Variants in PEX2 observed in about 807,000 individuals in gnomAD.
PEX2 encodes the protein peroxisome biogenesis factor 2.
Under a neutral mutation model 25.2 loss-of-function variants are expected in PEX2, and 19 were observed. That is an observed-to-expected ratio of 0.75 (90% CI 0.53 to 1.10). The LOEUF (loss-of-function observed/expected upper bound fraction) is 1.10, where lower values mean the gene tolerates loss of function less well. Among genes scored for constraint, PEX2 ranks in the 50% least tolerant of loss-of-function variants. The pLI, the probability that PEX2 is intolerant of heterozygous loss-of-function variation, is 0.00. For synonymous variants in PEX2, 141 were observed against 127.7 expected, an observed-to-expected ratio of 1.10 and a Z score of -0.70; for missense variants, 347 against 350.6, an observed-to-expected ratio of 0.99 and a Z score of 0.08.
Position 76,983,152 on chromosome 8 carries a change from C to T in PEX2, c.*109G>A. 2 of 1,585,878 alleles carry T rather than the reference C, an allele frequency of 1.3e-6. No individual in the cohort carries two copies. Among genetic ancestry groups the T allele is most frequent in the Admixed American group, 3.4e-5 (2 of 59,220 alleles). ...ATGCCTGGAAAGGAGAAGACAGTGG[C>T]TAGGAGCACATTCCTTATAAAGGAT... On this transcript the variant is annotated 3_prime_UTR_variant, in exon 4 of 4. Transcript: ENST00000357039.
intron 1 of PEX2, among the ~76,000 whole-genome samples, chr8:76,994,251 T>C (rs1470486985): frequency 3.3e-5 from 5 of 152,166 alleles, no homozygotes; most frequent in African/African-American, 4.8e-5. Flanking sequence ...GCCATCTATA[T>C]CACATTCCAA....
chr8:76,984,083 T>C lies in PEX2; in HGVS notation c.96A>G (p.Leu32=), dbSNP rs754405926. Residue 32 remains leucine (L), a synonymous_variant, in exon 4 of 4, where the codon CTA becomes CTG. Coordinates refer to ENST00000357039, the MANE Select transcript of PEX2 (RefSeq NM_000318.3). ...ALELNKALEQ[L]VWSQFTQCFH... The stretch of plus-strand genomic sequence containing the variant: ...AGCACTGAGTAAACTGGGACCAAAC[T>C]AGCTGCTCCAGGGCCTTGTTTAGTT... The C allele has an allele frequency of 9.3e-6, 15 of 1,612,330 alleles. No homozygotes were observed. In the East Asian group the frequency reaches 2.5e-4, roughly 26 times the overall value.
chr8:76,984,293 GGACACATAGGC>G, intron 3 of PEX2, 98 bp from the exon 4 acceptor site: 4 of 922,428 alleles, frequency 4.3e-6, no homozygotes, highest in Non-Finnish European at 6.9e-6. Flanking sequence ...AAATTACACA[GGACACATAGGC>G]GATGAGCGTT....
At position 76,982,953 on chromosome 8, in the gene PEX2, C is replaced by T. The variant is rs1432173202; in HGVS notation, c.*308G>A. The T allele has an allele frequency of 2.0e-6, 1 of 488,030 alleles. No individual in the cohort carries two copies. The highest frequency in any genetic ancestry group is 3.3e-6 in the Non-Finnish European group (1 of 307,584). 30.2% of individuals were successfully genotyped at this position (488,030 alleles called of 1,614,324 possible). A position where few individuals can be genotyped will look rare whatever the true frequency, so the allele number is the denominator to read the frequency against. ...CTCCAAAATCTTTATCTTTAGAATC[C>T]AACCTTGTTTTAAGAAGTAGTAAAA... On this transcript the variant is annotated 3_prime_UTR_variant, in exon 4 of 4. Transcript: ENST00000357039.
At chr8:76,993,901 G>A (rs560555464) in intron 1 of PEX2, among the ~76,000 whole-genome samples, 2 of 152,238 alleles carry the variant, frequency 1.3e-5, no homozygotes, top group South Asian at 4.1e-4. Context: ...ATTATAATTG[G>A]CAGTAAATAA....
chr8:76,989,949 C>G (rs1350225286), intron 1 of PEX2, among the ~76,000 whole-genome samples: 1 of 152,146 alleles, frequency 6.6e-6, no homozygotes, highest in East Asian at 1.9e-4. Context: ...ATTGGCTTCT[C>G]CTCTCTAGCT....
chr8:76,991,810 A>C (rs1807177727), intron 1 of PEX2, among the ~76,000 whole-genome samples: 1 of 152,208 alleles, frequency 6.6e-6, no homozygotes, highest in African/African-American at 2.4e-5. Flanking sequence ...CAGCTACCTC[A>C]CAAAGTTGTT....
chr8:76,982,362 G>A lies in PEX2; in HGVS notation c.*899C>T, dbSNP rs189924371. The A allele has an allele frequency of 6.6e-6, 1 of 152,282 alleles. No homozygotes were observed. Among genetic ancestry groups the A allele is most frequent in the Admixed American group, 6.5e-5 (1 of 15,290 alleles). The allele number at this position is 152,282 out of a possible 1,614,324, so 9.4% of individuals were successfully genotyped here. ...GGCAAGAGAAAGAGACCTGTAAATAGTGCTGTTCATACTAGTTGCCCCCAG... is the reference window on the plus strand; with the variant it reads ...GGCAAGAGAAAGAGACCTGTAAATAATGCTGTTCATACTAGTTGCCCCCAG... On this transcript the variant is annotated 3_prime_UTR_variant, in exon 4 of 4. Coordinates refer to ENST00000357039, the MANE Select transcript of PEX2 (RefSeq NM_000318.3).
chr8:76,991,438 C>T (rs888631666), intron 1 of PEX2, among the ~76,000 whole-genome samples: 6 of 152,174 alleles, frequency 3.9e-5, no homozygotes, highest in African/African-American at 4.8e-5. Context: ...CTCCTCCCTA[C>T]GTAAGACTCT....
chr8:76,993,870 A>G (rs1440919408), intron 1 of PEX2, among the ~76,000 whole-genome samples: 1 of 152,220 alleles, frequency 6.6e-6, no homozygotes, highest in Non-Finnish European at 1.5e-5. Flanking sequence ...GCAAAGAGAT[A>G]TATAAAAATA....
chr8:76,985,621 G>A (rs974232114), intron 3 of PEX2, among the ~76,000 whole-genome samples: 1 of 151,932 alleles, frequency 6.6e-6, no homozygotes, highest in Non-Finnish European at 1.5e-5. Context: ...ATAAAGCTAG[G>A]GGAAAAAAAC....
intron 1 of PEX2, among the ~76,000 whole-genome samples, chr8:76,991,720 T>C (rs1242497958): frequency 6.6e-6 from 1 of 152,154 alleles, no homozygotes; most frequent in Non-Finnish European, 1.5e-5. Context: ...GGGCTCAAGT[T>C]CTAGCTCTGT....
upstream of PEX2, among the ~76,000 whole-genome samples, chr8:77,000,631 C>T (rs1268518598): frequency 2.0e-5 from 3 of 152,174 alleles, no homozygotes; most frequent in Non-Finnish European, 2.9e-5. Flanking sequence ...GGCCTGTGTG[C>T]ACAGGGAGGA....
chr8:76,983,446 C>A lies in PEX2; in HGVS notation c.733G>T (p.Ala245Ser). ...NTLATSGKECALCGEWPTMPH... is the reference protein window; with the variant it reads ...NTLATSGKECSLCGEWPTMPH... ...ATGGTGGGCCACTCTCCACATAGAG[C>A]GCATTCTTTGCCACTGGTGGCTAAT... Residue 245 changes from alanine to serine, a missense_variant, in exon 4 of 4, where the codon GCT becomes TCT. Physicochemically the swap from Ala to Ser is moderately conservative, Grantham distance 99. Transcript: ENST00000357039. 1.9e-6 allele frequency: 3 copies of A among 1,614,060 alleles called. No homozygotes were observed. The highest frequency in any genetic ancestry group is 2.5e-6 in the Non-Finnish European group (3 of 1,180,028).
At chr8:76,989,508 C>T (rs558859980) in intron 1 of PEX2, among the ~76,000 whole-genome samples, 1 of 152,132 alleles carries the variant, frequency 6.6e-6, no homozygotes, top group East Asian at 1.9e-4. Context: ...CTATTGGCAA[C>T]TACAGGCTTA....
In PEX2 at chr8:76,984,040, C is replaced by T. The variant is rs138590115; in HGVS notation, c.139G>A (p.Gly47Arg). 84 of 1,613,186 alleles carry T rather than the reference C, an allele frequency of 5.2e-5. No individual in the cohort carries two copies. The highest frequency in any genetic ancestry group is 7.0e-5 in the Non-Finnish European group (82 of 1,179,530). ...TCTGGCTCAAAGCGAGCTAACAGCC[C>T]AGGTTTAAATCCATGAAAGCACTGA... is the stretch of plus-strand genomic sequence containing the variant. ...FTQCFHGFKP[G>R]LLARFEPEVK... is the part of the protein sequence containing the mutation. Residue 47 changes from glycine to arginine, a missense_variant, in exon 4 of 4, where the codon GGG becomes AGG. Coordinates refer to ENST00000357039, the MANE Select transcript of PEX2 (RefSeq NM_000318.3).
intron 1 of PEX2, among the ~76,000 whole-genome samples, chr8:76,989,921 G>A (rs921927302): frequency 2.0e-5 from 3 of 152,188 alleles, no homozygotes; most frequent in Non-Finnish European, 4.4e-5. Context: ...CCTGTCCTTT[G>A]AAGCTCTGAA....
chr8:76,996,325 A>G (rs1318277475), intron 1 of PEX2, among the ~76,000 whole-genome samples: 3 of 152,210 alleles, frequency 2.0e-5, no homozygotes, highest in African/African-American at 7.2e-5. Context: ...TGAGGTGCAA[A>G]GAGATTAGAT....
chr8:76,995,688 T>C (rs528591011), intron 1 of PEX2, among the ~76,000 whole-genome samples: 2 of 152,226 alleles, frequency 1.3e-5, no homozygotes, highest in South Asian at 4.1e-4. Context: ...TTTATAAGTA[T>C]ATTTTTAAGA....
Sources: gnomAD v4.1 joint callset for allele counts (sites outside exome capture counted in the v4.1 genomes callset) on GRCh38, gnomAD v4.1.1 for gene constraint, MANE v1.5 for transcripts, NCBI Gene and HGNC (gene_info 2026-07-23, HGNC 2026-07-21) for gene names.